CCDC40: variants seen among roughly 807,000 people sequenced by gnomAD.
CCDC40 encodes the protein coiled-coil domain-containing protein 40.
In CCDC40, 104 loss-of-function variants were observed where a neutral mutation model predicts 124.5. The observed-to-expected ratio is 0.84, with a 90% CI of 0.71 to 0.98. The LOEUF (loss-of-function observed/expected upper bound fraction) is 0.98. Among genes scored for constraint, CCDC40 ranks in the 50% least tolerant of loss-of-function variants. The pLI is 0.00. For synonymous variants in CCDC40, 580 were observed against 602.9 expected (o/e 0.96, Z 0.56); for missense variants, 1,463 against 1,503.9 (o/e 0.97, Z 0.45).
chr17:80,050,099 G>C lies in CCDC40; in HGVS notation c.975G>C (p.Gln325His). ...VATKQSRAQR[Q>H]ELGVNLYEVQ... is the part of the protein sequence containing the mutation. ...CCAAGCAGAGCCGAGCCCAGCGGCA[G>C]GAGCTGGGGGTGAATCTCTATGAGG... Residue 325 changes from glutamine to histidine, a missense_variant, in exon 7 of 20, where the codon CAG (glutamine) becomes CAC (histidine). Physicochemically the swap from Gln to His is conservative, Grantham distance 24. Transcript: ENST00000397545. 1 of 1,614,076 alleles carries C rather than the reference G, an allele frequency of 6.2e-7. No homozygotes were observed. The highest frequency in any genetic ancestry group is 8.5e-7 in the Non-Finnish European group (1 of 1,180,040).
intron 5 of CCDC40, 92 bp from the exon 6 acceptor site, chr17:80,049,814 C>T: frequency 1.9e-6 from 2 of 1,037,960 alleles, no homozygotes; most frequent in Admixed American, 1.8e-5. Context: ...TCTGGCCCAC[C>T]GGAGGGAGAC....
At position 80,087,653 on chromosome 17, in the gene CCDC40, C is replaced by G. The variant is rs369073881; in HGVS notation, c.2496C>G (p.His832Gln). ...AGGAGCAGAAGGAGATCGAGCACCA[C>G]ATGAAGGACCTGGACAACGACCTGA... ...EKKEQKEIEHHMKDLDNDLKK... is the reference protein window; with the variant it reads ...EKKEQKEIEHQMKDLDNDLKK... Residue 832 changes from histidine (H) to glutamine (Q), a missense_variant, in exon 15 of 20, where the codon CAC becomes CAG. Coordinates refer to ENST00000397545, the MANE Select transcript of CCDC40 (RefSeq NM_017950.4). This position sits in a 1 kb window ranked among gnomAD's most constrained non-coding sequence, Gnocchi z 4.5. The G allele has an allele frequency of 4.3e-6, 7 of 1,614,082 alleles. No individual in the cohort carries two copies. The highest frequency in any genetic ancestry group is 1.7e-5 in the Admixed American group (1 of 60,022).
chr17:80,053,738 GC>G (rs1454199769), intron 7 of CCDC40, among the ~76,000 whole-genome samples: 1 of 152,074 alleles, frequency 6.6e-6, no homozygotes, highest in Non-Finnish European at 1.5e-5. Context: ...GACTACAGGG[GC>G]CCGCCACCAT....
chr17:80,048,347 A>G, intron 4 of CCDC40: 1 of 576,422 alleles, frequency 1.7e-6, no homozygotes. Context: ...CTCAAAAATA[A>G]TTTCCTTCCT....
intron 4 of CCDC40, among the ~76,000 whole-genome samples, chr17:80,048,057 G>A (rs1404043911): frequency 2.0e-5 from 3 of 152,154 alleles, no homozygotes; most frequent in African/African-American, 7.2e-5. Flanking sequence ...TCAGGTGTTC[G>A]AGACCAGTCT....
chr17:80,037,877 C>CT, intron 1 of CCDC40: 1 of 404,776 alleles, frequency 2.5e-6, no homozygotes, highest in South Asian at 2.1e-5. Flanking sequence ...CCTGCTGTTC[C>CT]TTCGATGTTT....
At chr17:80,039,740 C>T in intron 2 of CCDC40, 72 bp from the exon 3 acceptor site, 1 of 1,553,738 alleles carries the variant, frequency 6.4e-7, no homozygotes, top group Non-Finnish European at 8.7e-7. Flanking sequence ...TATAATTACA[C>T]TATAAAGAAT....
rs1173575230 is a variant in CCDC40 at position 80,086,721 on chromosome 17, A to G, written c.2449+505A>G. The stretch of plus-strand genomic sequence containing the variant: ...CCTTCCTGGACCACTCTCCACCCAC[A>G]TGTCCACCTGCCGAGACATCCCGGG... On this transcript the variant is annotated intron_variant, in intron 14 of 19. Coordinates refer to ENST00000397545, the MANE Select transcript of CCDC40 (RefSeq NM_017950.4). This position sits in a 1 kb window ranked among gnomAD's most constrained non-coding sequence, Gnocchi z 5.5. 1.1e-5 allele frequency: 2 copies of G among 187,704 alleles called. No homozygotes were observed. The highest frequency in any genetic ancestry group is 5.4e-5 in the Admixed American group (1 of 18,460). The allele number at this position is 187,704 out of a possible 1,614,324, so 11.6% of individuals were successfully genotyped here.
rs570896020 is a variant in CCDC40 at position 80,089,077 on chromosome 17, G to A, written c.2712-687G>A. ...AGGGAAAATTGCATATAATTCCAAC[G>A]CCCTTCACTTCCCAGAAAACCAATG... is the stretch of plus-strand genomic sequence containing the variant. On this transcript the variant is annotated intron_variant, in intron 16 of 19. Coordinates refer to ENST00000397545, the MANE Select transcript of CCDC40 (RefSeq NM_017950.4). Among the ~76,000 whole-genome samples the A allele has an allele frequency of 1.9e-4, 29 of 152,256 alleles. No individual in the cohort carries two copies. The South Asian group carries it at 5.2e-3, about 27-fold the overall frequency.
intron 17 of CCDC40, chr17:80,090,525 C>T: frequency 6.6e-7 from 1 of 1,522,480 alleles, no homozygotes. Flanking sequence ...TATTCCTACT[C>T]CATGTAATCA....
rs545626758 is a variant in CCDC40 at position 80,100,098 on chromosome 17, G to A, written c.*323G>A. 2 of 391,894 alleles carry A rather than the reference G, an allele frequency of 5.1e-6. No individual in the cohort carries two copies. Among genetic ancestry groups the A allele is most frequent in the African/African-American group, 4.1e-5 (2 of 48,318 alleles). The allele number at this position is 391,894 out of a possible 1,614,324, so 24.3% of individuals were successfully genotyped here. The stretch of plus-strand genomic sequence containing the variant: ...GTTTGCAGCACTCCCAAATCTGCAC[G>A]TGCCTCTCACAACACAACGCTGCCA... On this transcript the variant is annotated 3_prime_UTR_variant, in exon 20 of 20. Coordinates refer to ENST00000397545, the MANE Select transcript of CCDC40 (RefSeq NM_017950.4).
chr17:80,094,122 AG>A (rs1206133104), intron 17 of CCDC40, among the ~76,000 whole-genome samples: 4 of 151,940 alleles, frequency 2.6e-5, no homozygotes, highest in African/African-American at 9.7e-5. Flanking sequence ...TTTTAAACGC[AG>A]AGTTTGGGCT....
chr17:80,086,712 T>G lies in CCDC40; in HGVS notation c.2449+496T>G. 5.1e-6 allele frequency: 1 copy of G among 195,182 alleles called. No homozygotes were observed. The highest frequency in any genetic ancestry group is 1.1e-5 in the Non-Finnish European group (1 of 93,606). 12.1% of individuals were successfully genotyped at this position (195,182 alleles called of 1,614,324 possible). A position where few individuals can be genotyped will look rare whatever the true frequency, so the allele number is the denominator to read the frequency against. On this transcript the variant is annotated intron_variant, in intron 14 of 19. Transcript: ENST00000397545. The surrounding 1 kb of genome is among the most constrained non-coding windows in gnomAD (Gnocchi z 5.5). ...GGCGGGCATCCTTCCTGGACCACTC[T>G]CCACCCACATGTCCACCTGCCGAGA...
At chr17:80,093,154 G>C (rs2038750069) in intron 17 of CCDC40, among the ~76,000 whole-genome samples, 1 of 152,102 alleles carries the variant, frequency 6.6e-6, no homozygotes. Context: ...CTTGATTTCT[G>C]TAACTCTATA....
chr17:80,081,958 C>A lies in CCDC40; in HGVS notation c.1889C>A (p.Ala630Asp), dbSNP rs61749058. 10 of 1,613,616 alleles carry A rather than the reference C, an allele frequency of 6.2e-6. No individual in the cohort carries two copies. The highest frequency in any genetic ancestry group is 1.3e-5 in the African/African-American group (1 of 75,008). The part of the protein sequence containing the change: ...GELELRRKTD[A>D]AIREKLQEHM... ...CTGGAGCTCAGGAGGAAGACGGATGCTGCCATCCGGGAGAAGCTGCAGGAG... is the reference window on the plus strand; with the variant it reads ...CTGGAGCTCAGGAGGAAGACGGATGATGCCATCCGGGAGAAGCTGCAGGAG... The change falls in exon 12 of 20, where the codon GCT becomes GAT. Residue 630 changes from alanine to aspartate, a missense_variant. Physicochemically the swap from Ala to Asp is moderately radical, Grantham distance 126. Transcript: ENST00000397545.
chr17:80,096,503 T>C (rs117713905), intron 18 of CCDC40, among the ~76,000 whole-genome samples: 3,182 of 152,050 alleles, frequency 0.021, 39 homozygotes, highest in Non-Finnish European at 0.03. Context: ...TCCCTCAGCT[T>C]CCTAGCCCGG....
At position 80,082,078 on chromosome 17, in the gene CCDC40, A is replaced by G; in HGVS notation, c.1989+20A>G. On this transcript the variant is annotated intron_variant, in intron 12 of 19. Coordinates refer to ENST00000397545, the MANE Select transcript of CCDC40 (RefSeq NM_017950.4). ...AACATGGTAGGCCCCTGCCCCAGGG[A>G]GGGGCTGTGCGAAGCCCCCTGCAGC... 1 of 1,610,988 alleles carries G rather than the reference A, an allele frequency of 6.2e-7. No homozygotes were observed. The highest frequency in any genetic ancestry group is 1.1e-5 in the South Asian group (1 of 90,948).
intron 1 of CCDC40, among the ~76,000 whole-genome samples, chr17:80,037,717 A>ATATATATATATATATATATG (rs1254082523): frequency 1.4e-5 from 2 of 142,998 alleles, no homozygotes; most frequent in Non-Finnish European, 3.0e-5. Context: ...ATATATATAT[A>ATATATATATATATATATATG]TATTCCTGTG....
intron 5 of CCDC40, 70 bp downstream of exon 5, chr17:80,048,831 C>T (rs2037500167): frequency 2.2e-6 from 3 of 1,352,192 alleles, no homozygotes; most frequent in East Asian, 2.5e-5. Context: ...CTTTCTCTGC[C>T]TGCACTGTCT....
Sources: gnomAD v4.1 joint callset for allele counts (sites outside exome capture counted in the v4.1 genomes callset) on GRCh38, gnomAD v4.1.1 for gene constraint, Gnocchi (gnomAD v3.1) non-coding constraint, MANE v1.5 for transcripts, NCBI Gene and HGNC (gene_info 2026-07-23, HGNC 2026-07-21) for gene names.